Variants in EYS observed in about 807,000 individuals in gnomAD.
EYS encodes protein eyes shut homolog.
In EYS, 250 loss-of-function variants were observed where a neutral mutation model predicts 282.1. The observed-to-expected ratio is 0.89, with a 90% CI of 0.80 to 0.98. The LOEUF (loss-of-function observed/expected upper bound fraction) is 0.98. Ranked by LOEUF, EYS falls within the 50% of genes least tolerant of loss-of-function variation. The pLI is 0.00. For missense variants in EYS, 4,016 were observed against 3,709.0 expected, an observed-to-expected ratio of 1.08 and a Z score of -2.15; for synonymous variants, 1,355 against 1,282.9, an observed-to-expected ratio of 1.06 and a Z score of -1.20.
intron 13 of EYS, among the ~76,000 whole-genome samples, chr6:65,043,263 G>T (rs908118382): frequency 5.3e-5 from 8 of 151,464 alleles, no homozygotes; most frequent in Non-Finnish European, 1.2e-4. Context: ...TGTAGTAAGT[G>T]TTTAAAGCAA....
chr6:64,170,371 T>G (rs1047377999), intron 31 of EYS, among the ~76,000 whole-genome samples: 2 of 152,070 alleles, frequency 1.3e-5, no homozygotes, highest in Admixed American at 6.6e-5. Context: ...ACAACGTGGG[T>G]GGTTTAAAAT....
In EYS at chr6:64,447,997, CGGACAGTGGGTGCA is replaced by C. The variant is rs940472645; in HGVS notation, c.5645-8659_5645-8646del. On this transcript the variant is annotated intron_variant, in intron 26 of 42. Coordinates refer to ENST00000503581, the MANE Select transcript of EYS (RefSeq NM_001142800.2). ...CTTCCCTGATTAAAAACATAAGTGCCGGACAGTGGGTGCAGGACAGTGGGTGCAGTGCACCGTGC... is the reference window on the plus strand; with the variant it reads ...CTTCCCTGATTAAAAACATAAGTGCCGGACAGTGGGTGCAGTGCACCGTGC... 3.9e-5 allele frequency among the ~76,000 whole-genome samples: 6 copies of C among 152,250 alleles called. No homozygotes were observed. In the South Asian group the frequency reaches 8.3e-4, roughly 21 times the overall value.
At chr6:64,866,023 GT>G (rs1200193744) in intron 19 of EYS, among the ~76,000 whole-genome samples, 2 of 151,932 alleles carry the variant, frequency 1.3e-5, no homozygotes, top group Non-Finnish European at 2.9e-5. Context: ...TAAATTGAAA[GT>G]GTTAAGTAAA....
intron 27 of EYS, among the ~76,000 whole-genome samples, chr6:64,437,360 T>A (rs575644988): frequency 6.6e-6 from 1 of 151,742 alleles, no homozygotes; most frequent in Non-Finnish European, 1.5e-5. Flanking sequence ...AATAGAGGTA[T>A]AGAATTTCTT....
chr6:63,879,371 G>C (rs1463796100), intron 35 of EYS, among the ~76,000 whole-genome samples: 3 of 152,068 alleles, frequency 2.0e-5, no homozygotes, highest in Non-Finnish European at 4.4e-5. Context: ...AAAACCTCTG[G>C]ATTACAATGC....
intron 22 of EYS, among the ~76,000 whole-genome samples, chr6:64,720,109 A>G (rs947592924): frequency 1.3e-5 from 2 of 152,192 alleles, no homozygotes; most frequent in East Asian, 3.8e-4. Context: ...ATCAGAGGGC[A>G]TAGGGCTACT....
intron 10 of EYS, among the ~76,000 whole-genome samples, chr6:65,338,637 C>T (rs1336443853): frequency 1.3e-5 from 2 of 150,726 alleles, no homozygotes; most frequent in African/African-American, 2.4e-5. Context: ...AAAATACACA[C>T]AAATTAAATT....
At chr6:65,434,267 A>G (rs1767982716) in intron 5 of EYS, among the ~76,000 whole-genome samples, 1 of 145,450 alleles carries the variant, frequency 6.9e-6, no homozygotes, top group Non-Finnish European at 1.6e-5. Context: ...AGGAAGAGGC[A>G]ATATTAAAAC....
intron 26 of EYS, among the ~76,000 whole-genome samples, chr6:64,559,101 C>A (rs73767341): frequency 0.03 from 4,611 of 152,170 alleles, 155 homozygotes; most frequent in East Asian, 0.11. Flanking sequence ...TCTAATCTCC[C>A]TAATTCTGTT....
At chr6:65,394,904 A>T (rs148739242) in intron 7 of EYS, among the ~76,000 whole-genome samples, 1 of 152,100 alleles carries the variant, frequency 6.6e-6, no homozygotes. Context: ...CTTCCTTAAA[A>T]GCTTTACTTA....
chr6:64,977,540 G>T (rs1333378183), intron 14 of EYS, among the ~76,000 whole-genome samples: 2 of 151,766 alleles, frequency 1.3e-5, no homozygotes, highest in Non-Finnish European at 1.5e-5. Flanking sequence ...GTGAAAGGAA[G>T]AGTTGCACAT....
intron 30 of EYS, among the ~76,000 whole-genome samples, chr6:64,247,373 T>C (rs536987410): frequency 1.3e-5 from 2 of 152,198 alleles, no homozygotes; most frequent in Non-Finnish European, 2.9e-5. Context: ...CTGAAGCTCA[T>C]AGGAGTCTCA....
intron 23 of EYS, among the ~76,000 whole-genome samples, chr6:64,623,208 A>T (rs1767503305): frequency 6.6e-6 from 1 of 152,170 alleles, no homozygotes; most frequent in African/African-American, 2.4e-5. Context: ...GTAATACATT[A>T]CTATTAACTA....
intron 12 of EYS, among the ~76,000 whole-genome samples, chr6:65,068,251 C>T (rs770023112): frequency 1.3e-5 from 2 of 152,062 alleles, no homozygotes; most frequent in African/African-American, 2.4e-5. Flanking sequence ...CCAACGGAGT[C>T]GAATGTTAAG....
intron 19 of EYS, among the ~76,000 whole-genome samples, chr6:64,884,811 A>G (rs1337004576): frequency 6.6e-6 from 1 of 151,612 alleles, no homozygotes; most frequent in East Asian, 1.9e-4. Context: ...TATTTTTTCT[A>G]TATTCAACTG....
At chr6:64,714,318 T>C (rs959907069) in intron 22 of EYS, among the ~76,000 whole-genome samples, 2 of 152,174 alleles carry the variant, frequency 1.3e-5, no homozygotes, top group East Asian at 1.9e-4. Flanking sequence ...AGTATTCTAA[T>C]AAGTGTCTTT....
chr6:63,783,426 T>G (rs1770286561), intron 39 of EYS, among the ~76,000 whole-genome samples: 1 of 152,020 alleles, frequency 6.6e-6, no homozygotes, highest in Non-Finnish European at 1.5e-5. Flanking sequence ...TGTAAGAGAG[T>G]CTGGGAAAGA....
chr6:63,981,905 A>G (rs1436832299), intron 35 of EYS, among the ~76,000 whole-genome samples: 2 of 151,922 alleles, frequency 1.3e-5, no homozygotes, highest in African/African-American at 4.8e-5. Flanking sequence ...GTTGGCTCTC[A>G]GACAATGTTT....
chr6:65,482,170 T>TA (rs1181505458), intron 5 of EYS, among the ~76,000 whole-genome samples: 1 of 152,134 alleles, frequency 6.6e-6, no homozygotes, highest in African/African-American at 2.4e-5. Flanking sequence ...TGCTACAAAA[T>TA]AAAGTTTGAC....
Sources: gnomAD v4.1 joint callset for allele counts (sites outside exome capture counted in the v4.1 genomes callset) on GRCh38, gnomAD v4.1.1 for gene constraint, MANE v1.5 for transcripts, NCBI Gene and HGNC (gene_info 2026-07-23, HGNC 2026-07-21) for gene names.